Variants in SPAG16 observed in about 807,000 individuals in gnomAD.
SPAG16 encodes the protein sperm-associated antigen 16 protein.
A neutral mutation model predicts 80.4 loss-of-function variants in SPAG16; 86 were observed. The ratio of observed to expected loss-of-function variants is 1.07; its 90% CI spans 0.90 to 1.28. The LOEUF (loss-of-function observed/expected upper bound fraction) is 1.28, where lower values mean the gene tolerates loss of function less well. Ranked by LOEUF, SPAG16 falls within the 50% of genes most tolerant of loss-of-function variation. The probability of loss-of-function intolerance (pLI) is 0.00; values close to 1 mark genes in which losing one functional copy is unlikely to be tolerated. For missense variants in SPAG16, 870 were observed against 765.3 expected (o/e 1.14, Z -1.61); for synonymous variants, 294 against 265.9 (o/e 1.11, Z -1.03).
At chr2:213,468,010 C>T (rs947682390) in intron 9 of SPAG16, among the ~76,000 whole-genome samples, 5 of 152,156 alleles carry the variant, frequency 3.3e-5, no homozygotes, top group Non-Finnish European at 5.9e-5. Context: ...TGTAAAAGAC[C>T]AAAGTAGCCA....
chr2:213,713,460 T>C (rs1363842022), intron 10 of SPAG16, among the ~76,000 whole-genome samples: 3 of 152,190 alleles, frequency 2.0e-5, no homozygotes, highest in Non-Finnish European at 4.4e-5. Context: ...TTTGGAGGAA[T>C]CACTTCTTAG....
chr2:213,291,116 C>A lies in SPAG16; in HGVS notation c.137-4948C>A, dbSNP rs553364198. 3.3e-5 allele frequency among the ~76,000 whole-genome samples: 5 copies of A among 152,282 alleles called. No individual in the cohort carries two copies. In the South Asian group the frequency reaches 1.0e-3, roughly 32 times the overall value. Reference sequence around the variant, plus strand: ...GTTACTGGGAAGCTTAGAGTCAAATCTGGGGGTTATTTTTGACCAATCTTA... The same window carrying A: ...GTTACTGGGAAGCTTAGAGTCAAATATGGGGGTTATTTTTGACCAATCTTA... On this transcript the variant is annotated intron_variant, in intron 1 of 15. Coordinates refer to ENST00000331683, the MANE Select transcript of SPAG16 (RefSeq NM_024532.5).
chr2:213,362,062 C>T (rs528487156), intron 7 of SPAG16, among the ~76,000 whole-genome samples: 2 of 152,110 alleles, frequency 1.3e-5, no homozygotes, highest in East Asian at 1.9e-4. Flanking sequence ...GCATTCTTGT[C>T]CAGTTGCCCA....
intron 9 of SPAG16, among the ~76,000 whole-genome samples, chr2:213,435,143 C>T (rs868141216): frequency 4.6e-5 from 7 of 152,186 alleles, no homozygotes; most frequent in Middle Eastern, 3.4e-3. Context: ...TACTATTCAG[C>T]CATAAAGAAT....
chr2:213,681,974 T>C (rs1182183828), intron 10 of SPAG16, among the ~76,000 whole-genome samples: 1 of 152,196 alleles, frequency 6.6e-6, no homozygotes, highest in Non-Finnish European at 1.5e-5. Context: ...CCCTTCAGCG[T>C]GAATCTGTTA....
intron 10 of SPAG16, among the ~76,000 whole-genome samples, chr2:213,798,638 A>G (rs2071191762): frequency 6.6e-6 from 1 of 152,152 alleles, no homozygotes; most frequent in African/African-American, 2.4e-5. Context: ...TACTTTTAAT[A>G]CAATCTAATG....
chr2:214,060,126 A>G (rs562313864), intron 13 of SPAG16, among the ~76,000 whole-genome samples: 14 of 152,284 alleles, frequency 9.2e-5, no homozygotes, highest in African/African-American at 3.1e-4. Context: ...GTGCCCTCTC[A>G]TCAGGGAGAT....
At chr2:214,236,819 G>A (rs972256349) in intron 15 of SPAG16, among the ~76,000 whole-genome samples, 1 of 152,066 alleles carries the variant, frequency 6.6e-6, no homozygotes, top group Non-Finnish European at 1.5e-5. Flanking sequence ...CTTGCAAACT[G>A]AAAGTGACTG....
At chr2:213,976,775 A>G (rs2045431540) in intron 12 of SPAG16, among the ~76,000 whole-genome samples, 1 of 152,214 alleles carries the variant, frequency 6.6e-6, no homozygotes, top group Non-Finnish European at 1.5e-5. Flanking sequence ...CTTCAGCCAC[A>G]AGAAACAGCA....
chr2:214,102,189 G>A (rs1048389820), intron 13 of SPAG16, among the ~76,000 whole-genome samples: 5 of 142,992 alleles, frequency 3.5e-5, no homozygotes, highest in African/African-American at 1.0e-4. Flanking sequence ...TAACTGTATC[G>A]TATCTTACCA....
At chr2:213,357,553 G>T (rs116954749) in intron 7 of SPAG16, among the ~76,000 whole-genome samples, 37 of 152,048 alleles carry the variant, frequency 2.4e-4, no homozygotes, top group Admixed American at 2.2e-3. Context: ...TTTTAAAGTC[G>T]TTTTATCAGA....
intron 12 of SPAG16, among the ~76,000 whole-genome samples, chr2:213,934,977 C>A (rs1021791149): frequency 1.3e-5 from 2 of 151,778 alleles, no homozygotes; most frequent in African/African-American, 4.8e-5. Flanking sequence ...CTGAGGCAGG[C>A]CGATCACGAG....
intron 12 of SPAG16, among the ~76,000 whole-genome samples, chr2:213,983,405 G>A (rs978355963): frequency 6.6e-6 from 1 of 151,832 alleles, no homozygotes; most frequent in Non-Finnish European, 1.5e-5. Context: ...CCAAACTGTG[G>A]TATTGTCATC....
At chr2:214,352,970 G>GGTGT (rs1698523891) in intron 15 of SPAG16, among the ~76,000 whole-genome samples, 1 of 152,002 alleles carries the variant, frequency 6.6e-6, no homozygotes. Context: ...GACATAAATG[G>GGTGT]GTGTGTCAGG....
At chr2:214,008,950 C>T (rs138398435) in intron 12 of SPAG16, among the ~76,000 whole-genome samples, 105 of 152,212 alleles carry the variant, frequency 6.9e-4, no homozygotes, top group African/African-American at 2.4e-3. Context: ...GAACCTTACC[C>T]GTACCCCTAT....
intron 14 of SPAG16, among the ~76,000 whole-genome samples, chr2:214,118,194 C>T (rs2054036592): frequency 6.6e-6 from 1 of 152,074 alleles, no homozygotes; most frequent in Non-Finnish European, 1.5e-5. Context: ...TTTCTATATG[C>T]AATAGCAAAC....
chr2:214,166,716 C>T (rs926330477), intron 15 of SPAG16, among the ~76,000 whole-genome samples: 3 of 152,162 alleles, frequency 2.0e-5, no homozygotes, highest in Non-Finnish European at 2.9e-5. Flanking sequence ...CACAGTTGCT[C>T]ATAAAAGGCC....
chr2:214,394,966 T>C (rs571139969), intron 15 of SPAG16, among the ~76,000 whole-genome samples: 1 of 152,354 alleles, frequency 6.6e-6, no homozygotes, highest in South Asian at 2.1e-4. Flanking sequence ...AGACAGTATG[T>C]AGCGTTGGCC....
intron 14 of SPAG16, among the ~76,000 whole-genome samples, chr2:214,134,532 C>T (rs73987187): frequency 0.033 from 5,089 of 152,130 alleles, 137 homozygotes; most frequent in South Asian, 0.13. Flanking sequence ...GAGGCTTGTC[C>T]ACCACCTAAA....
Sources: gnomAD v4.1 joint callset for allele counts (sites outside exome capture counted in the v4.1 genomes callset) on GRCh38, gnomAD v4.1.1 for gene constraint, MANE v1.5 for transcripts, NCBI Gene and HGNC (gene_info 2026-07-23, HGNC 2026-07-21) for gene names.